PLXNA1: variants seen among roughly 807,000 people sequenced by gnomAD.
PLXNA1 encodes plexin-A1.
PLXNA1 carries 77 observed loss-of-function variants against 191.7 expected under a neutral mutation model. The observed-to-expected ratio is 0.40, with a 90% confidence interval of 0.33 to 0.49. The LOEUF (loss-of-function observed/expected upper bound fraction) is 0.49, where lower values mean the gene tolerates loss of function less well. Ranked by LOEUF, PLXNA1 falls within the 20% of genes least tolerant of loss-of-function variation. The pLI is 0.63. For synonymous variants in PLXNA1, 1,137 were observed against 1,156.4 expected (o/e 0.98, Z 0.34); for missense variants, 2,110 against 2,660.2 (o/e 0.79, Z 4.55).
intron 3 of PLXNA1, among the ~76,000 whole-genome samples, chr3:127,001,299 A>G (rs1241663592): frequency 6.6e-6 from 1 of 152,160 alleles, no homozygotes; most frequent in African/African-American, 2.4e-5. Flanking sequence ...AGGCCGGGCC[A>G]GGGTCAGGCT....
intron 31 of PLXNA1, among the ~76,000 whole-genome samples, 156 bp downstream of exon 31, chr3:127,032,992 G>C (rs2079220101): frequency 6.6e-6 from 1 of 152,180 alleles, no homozygotes; most frequent in Non-Finnish European, 1.5e-5. Flanking sequence ...TGGTTCCTTG[G>C]GGCCAGGAGG....
intron 24 of PLXNA1, 30 bp from the exon 25 acceptor site, chr3:127,028,151 C>T (rs772095307): frequency 1.3e-5 from 21 of 1,612,916 alleles, no homozygotes; most frequent in East Asian, 6.7e-5. Flanking sequence ...GTGGGGCTGA[C>T]GCTGCCCCCT....
intron 20 of PLXNA1, 58 bp downstream of exon 20, chr3:127,018,586 T>TGTCCC (rs1291632201): frequency 7.3e-7 from 1 of 1,363,798 alleles, no homozygotes; most frequent in African/African-American, 1.4e-5. Context: ...GGCCCTGGCC[T>TGTCCC]GTCCCCACAC....
chr3:126,991,198 C>T (rs532979951), intron 2 of PLXNA1, among the ~76,000 whole-genome samples, 186 bp from the exon 3 acceptor site: 6 of 152,342 alleles, frequency 3.9e-5, no homozygotes, highest in African/African-American at 9.6e-5. Context: ...GCTGGGAGCC[C>T]GCCCTCTGCC....
chr3:127,029,619 C>T (rs897190722), intron 27 of PLXNA1, 83 bp downstream of exon 27: 6 of 1,443,386 alleles, frequency 4.2e-6, no homozygotes, highest in Non-Finnish European at 5.8e-6. Flanking sequence ...CACGCTGCAG[C>T]AGCCGGACGG....
chr3:126,991,612 A>G lies in PLXNA1; in HGVS notation c.1377+46A>G, dbSNP rs745935596. 2.6e-5 allele frequency: 40 copies of G among 1,513,272 alleles called. No individual in the cohort carries two copies. In the South Asian group the frequency reaches 4.9e-4, roughly 19 times the overall value. The allele number at this position is 1,513,272 out of a possible 1,614,324, so 93.7% of individuals were successfully genotyped here. ...GGTGAGGAGGGGGCTTGGGGCAGGA[A>G]CAAAGGCTTGCGGCCGTCCCAGGTG... On this transcript the variant is annotated intron_variant, in intron 3 of 31. Transcript: ENST00000393409.
intron 8 of PLXNA1, among the ~76,000 whole-genome samples, chr3:127,007,264 A>C (rs948433819): frequency 3.3e-5 from 5 of 152,176 alleles, no homozygotes; most frequent in African/African-American, 1.2e-4. Flanking sequence ...GAGCGCCTAC[A>C]GTGGCCAGCC....
At chr3:126,994,761 C>T (rs1187841642) in intron 3 of PLXNA1, among the ~76,000 whole-genome samples, 1 of 152,146 alleles carries the variant, frequency 6.6e-6, no homozygotes, top group Non-Finnish European at 1.5e-5. Flanking sequence ...GGTCCAGAGC[C>T]AGGGTAAGGA....
rs2079154956 is a variant in PLXNA1 at position 127,022,205 on chromosome 3, G to A, written c.4159G>A (p.Gly1387Arg). The A allele has an allele frequency of 2.5e-6, 4 of 1,613,372 alleles. No homozygotes were observed. The highest frequency in any genetic ancestry group is 2.5e-6 in the Non-Finnish European group (3 of 1,179,980). The change falls in exon 22 of 32, where the codon GGG becomes AGG. Residue 1387 changes from glycine (G) to arginine (R), a missense_variant. Gly to Arg is a moderately radical substitution (Grantham distance 125). Around this residue, in one of 4 missense-constraint regions of PLXNA1, gnomAD observed 559 missense variants for 911.5 expected, o/e 0.61. Transcript: ENST00000393409. ...AQRSFSMRDR[G>R]NVASLIMTAL... ...GCGCAGCTTCTCCATGCGCGACCGC[G>A]GGAATGTGGCCTCGCTCATCATGAC... is the stretch of plus-strand genomic sequence containing the variant.
In PLXNA1 at chr3:127,003,487, T is replaced by C; in HGVS notation, c.1518+17T>C. On this transcript the variant is annotated intron_variant, in intron 4 of 31. Coordinates refer to ENST00000393409, the MANE Select transcript of PLXNA1 (RefSeq NM_032242.4). ...GAGAAGCAGGTGGGTGCTGCACCAGTCAGACGGTGTGGCTGAAGGTGGGGG... is the reference window on the plus strand; with the variant it reads ...GAGAAGCAGGTGGGTGCTGCACCAGCCAGACGGTGTGGCTGAAGGTGGGGG... The C allele has an allele frequency of 6.3e-7, 1 of 1,583,324 alleles. No individual in the cohort carries two copies. The highest frequency in any genetic ancestry group is 8.6e-7 in the Non-Finnish European group (1 of 1,159,128).
At position 127,014,824 on chromosome 3, in the gene PLXNA1, C is replaced by T. The variant is rs2079114746; in HGVS notation, c.2870C>T (p.Thr957Ile). The change falls in exon 14 of 32, where the codon ACC becomes ATC. Residue 957 changes from threonine (T) to isoleucine (I), a missense_variant. Thr to Ile is a moderately conservative substitution (Grantham distance 89). This residue lies in a region of PLXNA1 where 644 missense variants were observed against 714.3 expected (regional missense o/e 0.90). Coordinates refer to ENST00000393409, the MANE Select transcript of PLXNA1 (RefSeq NM_032242.4). ...CGCGCCCTGTCACCCAAGCGCTTCA[C>T]CTTCGTGGTGAGTCTGCTGCCCTCC... ...HYRALSPKRFTFVTPTFYRVS... is the reference protein window; with the variant it reads ...HYRALSPKRFIFVTPTFYRVS... 20 of 1,611,930 alleles carry T rather than the reference C, an allele frequency of 1.2e-5. No individual in the cohort carries two copies. Among genetic ancestry groups the T allele is most frequent in the Non-Finnish European group, 1.5e-5 (18 of 1,179,640 alleles).
chr3:127,000,249 T>G lies in PLXNA1; in HGVS notation c.1378-3081T>G, dbSNP rs1245727412. Among the ~76,000 whole-genome samples, 10 of 152,006 alleles carry G rather than the reference T, an allele frequency of 6.6e-5. No individual in the cohort carries two copies. The East Asian group carries it at 1.9e-3, about 29-fold the overall frequency. On this transcript the variant is annotated intron_variant, in intron 3 of 31. Coordinates refer to ENST00000393409, the MANE Select transcript of PLXNA1 (RefSeq NM_032242.4). ...AAGGAGGTGACAGCTGGGGGAAGAT[T>G]CCAGGGCATGCCTGTGGCCCGTTCC...
rs2079077453 is a variant in PLXNA1, at chr3:127,008,062, G to C, written c.2112+149G>C. On this transcript the variant is annotated intron_variant, in intron 9 of 31. Transcript: ENST00000393409. ...CGTGTGGTGCATGCACCACCAGGCT[G>C]GGTCAGTGAGGTGACCCTGGATGCC... 7.0e-6 allele frequency: 4 copies of C among 571,310 alleles called. No individual in the cohort carries two copies. In the South Asian group the frequency reaches 9.6e-5, roughly 14 times the overall value. The allele number at this position is 571,310 out of a possible 1,614,324, so 35.4% of individuals were successfully genotyped here. A position where few individuals can be genotyped will look rare whatever the true frequency, so the allele number is the denominator to read the frequency against.
At chr3:127,016,447 A>G in intron 15 of PLXNA1, 70 bp from the exon 16 acceptor site, 3 of 1,411,176 alleles carry the variant, frequency 2.1e-6, no homozygotes, top group Non-Finnish European at 3.0e-6. Context: ...ACCGTCCCTC[A>G]ATGCATCTGC....
rs938522974 is a variant in PLXNA1, at chr3:127,014,126, C to T, written c.2410+10C>T. 1.2e-5 allele frequency: 20 copies of T among 1,613,236 alleles called. No homozygotes were observed. The highest frequency in any genetic ancestry group is 8.0e-5 in the African/African-American group (6 of 74,916). ...CCACAGAACATCCAGGGTGAGTGGGCGCCCCGGCGGGGTGGGCAGTGGGCG... is the reference window on the plus strand; with the variant it reads ...CCACAGAACATCCAGGGTGAGTGGGTGCCCCGGCGGGGTGGGCAGTGGGCG... On this transcript the variant is annotated intron_variant, in intron 11 of 31. Coordinates refer to ENST00000393409, the MANE Select transcript of PLXNA1 (RefSeq NM_032242.4).
chr3:127,029,793 C>T (rs2079197596), intron 27 of PLXNA1, 81 bp from the exon 28 acceptor site: 2 of 1,446,204 alleles, frequency 1.4e-6, no homozygotes, highest in East Asian at 2.5e-5. Context: ...GTGCCATCCC[C>T]AGCTTTCAGA....
At chr3:127,026,666 G>C (rs1174963381) in intron 23 of PLXNA1, 1 of 152,258 alleles carries the variant, frequency 6.6e-6, no homozygotes, top group Non-Finnish European at 1.5e-5. Context: ...CTTAACAGCT[G>C]TCTCTCTAAT....
At chr3:127,000,451 C>G (rs1195664604) in intron 3 of PLXNA1, among the ~76,000 whole-genome samples, 1 of 152,114 alleles carries the variant, frequency 6.6e-6, no homozygotes, top group Non-Finnish European at 1.5e-5. Context: ...GGCGTGTGCC[C>G]TTCTGTCCTG....
chr3:127,007,936 G>T, intron 9 of PLXNA1, 23 bp downstream of exon 9: 4 of 1,554,572 alleles, frequency 2.6e-6, no homozygotes, highest in Non-Finnish European at 3.5e-6. Context: ...AAGGGTGAGG[G>T]TCAGGTTTTC....
Sources: gnomAD v4.1 joint callset for allele counts (sites outside exome capture counted in the v4.1 genomes callset) on GRCh38, gnomAD v4.1.1 for gene constraint, gnomAD v4.1.1 regional missense constraint, MANE v1.5 for transcripts, NCBI Gene and HGNC (gene_info 2026-07-23, HGNC 2026-07-21) for gene names.